INTS15: variants seen among roughly 807,000 people sequenced by gnomAD.
The protein encoded by INTS15 is uncharacterized protein C7orf26.
chr7:6,594,196 C>G, the INTS15 span, among the ~76,000 whole-genome samples: 13 of 148,680 alleles, frequency 8.7e-5, no homozygotes, highest in East Asian at 4.1e-4. Context: ...TTAGTAGAGA[C>G]GAGTTTCACC....
At chr7:6,591,898 G>A in the INTS15 span, 2 of 1,598,558 alleles carry the variant, frequency 1.3e-6, no homozygotes, top group East Asian at 2.2e-5. Flanking sequence ...TCGGCCGGGT[G>A]CGGTGGCTCA....
chr7:6,607,614 C>G, the INTS15 span: 1 of 1,419,040 alleles, frequency 7.0e-7, no homozygotes, highest in Non-Finnish European at 9.4e-7. This position sits in a 1 kb window ranked among gnomAD's most constrained non-coding sequence, Gnocchi z 6.0. Context: ...CGCGGTCATT[C>G]TCGGCTCTGA....
chr7:6,607,510 C>T, the INTS15 span: 21 of 1,304,264 alleles, frequency 1.6e-5, no homozygotes, highest in Admixed American at 9.2e-5. The surrounding 1 kb of genome is among the most constrained non-coding windows in gnomAD (Gnocchi z 6.0). Flanking sequence ...CCCGAGGGGG[C>T]CGCACCGGAC....
the INTS15 span, among the ~76,000 whole-genome samples, chr7:6,604,940 C>G: frequency 6.6e-6 from 1 of 151,942 alleles, no homozygotes; most frequent in Non-Finnish European, 1.5e-5. Context: ...AGAGGGCCAC[C>G]TCTCCCAGGG....
chr7:6,590,511 A>G, the INTS15 span: 6 of 1,514,608 alleles, frequency 4.0e-6, no homozygotes, highest in African/African-American at 1.4e-5. Context: ...CGGGCCCCGC[A>G]GGCGGGCGGG....
the INTS15 span, chr7:6,607,499 C>T: frequency 4.6e-6 from 6 of 1,300,018 alleles, no homozygotes; most frequent in Non-Finnish European, 6.1e-6. The surrounding 1 kb of genome is among the most constrained non-coding windows in gnomAD (Gnocchi z 6.0). Context: ...CCTGGGCCGT[C>T]CCCGAGGGGG....
At chr7:6,590,515 G>C in the INTS15 span, 1 of 1,501,736 alleles carries the variant, frequency 6.7e-7, no homozygotes. Context: ...CCCCGCAGGC[G>C]GGCGGGCGGG....
the INTS15 span, among the ~76,000 whole-genome samples, chr7:6,595,433 G>A: frequency 1.8e-4 from 27 of 152,270 alleles, no homozygotes; most frequent in African/African-American, 6.3e-4. Context: ...TAAAGTGTCG[G>A]CATTACAGGT....
the INTS15 span, chr7:6,600,359 G>A: frequency 6.2e-7 from 1 of 1,607,336 alleles, no homozygotes; most frequent in East Asian, 2.2e-5. Context: ...CACGAGAGGT[G>A]GGTGCCTCCC....
the INTS15 span, chr7:6,608,098 G>GCCCCCCCCC: frequency 7.6e-7 from 1 of 1,311,348 alleles, no homozygotes; most frequent in Non-Finnish European, 1.0e-6. Flanking sequence ...ACCCCGCCCT[G>GCCCCCCCCC]CCCACGCATC....
At chr7:6,597,021 AC>A in the INTS15 span, among the ~76,000 whole-genome samples, 4 of 151,292 alleles carry the variant, frequency 2.6e-5, no homozygotes, top group African/African-American at 9.7e-5. Context: ...CTCGTGATCC[AC>A]CCGCCTCGGC....
chr7:6,600,746 C>T, the INTS15 span, among the ~76,000 whole-genome samples: 4 of 152,164 alleles, frequency 2.6e-5, no homozygotes, highest in African/African-American at 9.7e-5. Flanking sequence ...CAACCTCCAT[C>T]TCCTGGGTTT....
the INTS15 span, among the ~76,000 whole-genome samples, chr7:6,603,349 A>G: frequency 6.6e-6 from 1 of 151,690 alleles, no homozygotes; most frequent in Admixed American, 6.6e-5. Flanking sequence ...GGAGTTTGAG[A>G]CCAGCCTGGC....
chr7:6,597,158 C>T, the INTS15 span, among the ~76,000 whole-genome samples: 1 of 152,186 alleles, frequency 6.6e-6, no homozygotes, highest in Non-Finnish European at 1.5e-5. Context: ...CAGGGCCACG[C>T]TGCTGCAGTG....
chr7:6,595,123 C>G, the INTS15 span, among the ~76,000 whole-genome samples: 3 of 152,136 alleles, frequency 2.0e-5, no homozygotes, highest in Non-Finnish European at 2.9e-5. Context: ...TCTCTGCCCC[C>G]AAGGCTCAAG....
the INTS15 span, among the ~76,000 whole-genome samples, chr7:6,592,404 T>C: frequency 6.6e-6 from 1 of 151,444 alleles, no homozygotes; most frequent in South Asian, 2.1e-4. Context: ...CTGTCTCTAC[T>C]GAAAATACAG....
chr7:6,608,407 G>A, the INTS15 span: 15 of 1,382,600 alleles, frequency 1.1e-5, no homozygotes, highest in East Asian at 5.7e-5. Flanking sequence ...TTTAAAAGAT[G>A]CCGATCCTGG....
At chr7:6,593,133 G>T in the INTS15 span, among the ~76,000 whole-genome samples, 1 of 152,320 alleles carries the variant, frequency 6.6e-6, no homozygotes, top group Middle Eastern at 3.4e-3. Context: ...AGAGCTGGCA[G>T]ATGTTTTATG....
the INTS15 span, among the ~76,000 whole-genome samples, chr7:6,606,096 G>A: frequency 2.6e-5 from 4 of 152,186 alleles, no homozygotes; most frequent in Admixed American, 2.0e-4. Context: ...GTGTGTACAG[G>A]TTCAAATCAT....
Sources: allele counts gnomAD v4.1 joint callset (sites outside exome capture counted in the v4.1 genomes callset), GRCh38; gene constraint gnomAD v4.1.1; non-coding constraint Gnocchi (gnomAD v3.1); transcripts MANE v1.5; gene names NCBI Gene and HGNC (gene_info 2026-07-23, HGNC 2026-07-21).